KCNH2: variants seen among roughly 807,000 people sequenced by gnomAD.
KCNH2 encodes potassium voltage-gated channel subfamily H member 2.
A neutral mutation model predicts 95.9 loss-of-function variants in KCNH2; 35 were observed. The observed-to-expected ratio is 0.37, with a 90% CI of 0.28 to 0.48. The LOEUF is 0.48. Ranked by LOEUF, KCNH2 falls within the 20% of genes least tolerant of loss-of-function variation. The probability of loss-of-function intolerance (pLI) is 0.99; values close to 1 mark genes in which losing one functional copy is unlikely to be tolerated. For synonymous variants in KCNH2, 786 were observed against 754.7 expected (o/e 1.04, Z -0.68); for missense variants, 1,274 against 1,702.9 (o/e 0.75, Z 4.43).
intron 9 of KCNH2, 23 bp downstream of exon 9, chr7:150,950,145 A>AGGGGGGGGGG: frequency 3.7e-5 from 53 of 1,424,530 alleles, no homozygotes; most frequent in Middle Eastern, 1.8e-4. Flanking sequence ...TTTCCAGTCC[A>AGGGGGGGGGG]GTGCCCGCCC....
intron 2 of KCNH2, among the ~76,000 whole-genome samples, chr7:150,973,611 G>A (rs1801894734): frequency 6.6e-6 from 1 of 152,220 alleles, no homozygotes; most frequent in Non-Finnish European, 1.5e-5. Flanking sequence ...CCCCTCTAGT[G>A]CCGTCCAGTG....
chr7:150,957,376 A>T lies in KCNH2; in HGVS notation c.1043T>A (p.Phe348Tyr), dbSNP rs794728363. The T allele has an allele frequency of 6.2e-7, 1 of 1,613,996 alleles. No individual in the cohort carries two copies. The highest frequency in any genetic ancestry group is 8.5e-7 in the Non-Finnish European group (1 of 1,179,932). Reference protein sequence around the residue: ...LNFVDLKGDPFLASPTSDREI... With the variant: ...LNFVDLKGDPYLASPTSDREI... ...ACGGTCACTGGTGGGCGAAGCCAAG[A>T]AGGGGTCGCCCTTGAGGTCCACAAA... Residue 348 changes from phenylalanine (F) to tyrosine (Y), a missense_variant, in exon 5 of 15, where the codon TTC becomes TAC. This residue lies in a region of KCNH2 where 392 missense variants were observed against 429.9 expected (regional missense o/e 0.91). Transcript: ENST00000262186.
At chr7:150,951,190 G>T in intron 7 of KCNH2, 70 bp from the exon 8 acceptor site, 1 of 1,345,322 alleles carries the variant, frequency 7.4e-7, no homozygotes, top group South Asian at 1.3e-5. Flanking sequence ...ACCCTGCTCA[G>T]GCCCCGCACC....
Position 150,962,661 on chromosome 7 carries a change from T to A in KCNH2, c.308-2925A>T, listed in dbSNP as rs1801599779. Among the ~76,000 whole-genome samples, 1 of 90,968 alleles carries A rather than the reference T, an allele frequency of 1.1e-5. No individual in the cohort carries two copies. Among genetic ancestry groups the A allele is most frequent in the Non-Finnish European group, 2.6e-5 (1 of 37,854 alleles). The allele number at this position is 90,968 out of a possible 152,430, so 59.7% of individuals were successfully genotyped here. Reference sequence around the variant, plus strand: ...AGAGAGAGAGAGAGAGAGGAGTGACTGCTGGCCCTCTTCCTTTGTCGAGAT... The same window carrying A: ...AGAGAGAGAGAGAGAGAGGAGTGACAGCTGGCCCTCTTCCTTTGTCGAGAT... On this transcript the variant is annotated intron_variant, in intron 2 of 14. Transcript: ENST00000262186. The surrounding 1 kb of genome is among the most constrained non-coding windows in gnomAD (Gnocchi z 5.7).
At position 150,958,515 on chromosome 7, in the gene KCNH2, A is replaced by G; in HGVS notation, c.473-13T>C. The G allele has an allele frequency of 6.8e-7, 1 of 1,474,254 alleles. No individual in the cohort carries two copies. The highest frequency in any genetic ancestry group is 1.3e-5 in the South Asian group (1 of 77,506). The allele number at this position is 1,474,254 out of a possible 1,614,324, so 91.3% of individuals were successfully genotyped here. On this transcript the variant is annotated splice_polypyrimidine_tract_variant and intron_variant, in intron 3 of 14. Transcript: ENST00000262186. ...GTCTTGGCGCGGCCTGCGGGAGAGG[A>G]GAGGCACGTGGTCGTGGGGATCGCG...
At chr7:150,976,700 T>G (rs1801987045) in intron 1 of KCNH2, among the ~76,000 whole-genome samples, 1 of 151,690 alleles carries the variant, frequency 6.6e-6, no homozygotes, top group Admixed American at 6.6e-5. Flanking sequence ...CACATGGCAG[T>G]CAGTGGCAAA....
At chr7:150,964,089 A>G (rs1047219912) in intron 2 of KCNH2, among the ~76,000 whole-genome samples, 2 of 152,234 alleles carry the variant, frequency 1.3e-5, no homozygotes, top group African/African-American at 2.4e-5. Context: ...GCCAGGCCCC[A>G]GGCAGGAGCC....
In KCNH2 at chr7:150,947,032, C is replaced by G; in HGVS notation, c.3175G>C (p.Asp1059His). 1 of 1,605,116 alleles carries G rather than the reference C, an allele frequency of 6.2e-7. No homozygotes were observed. ...LNRLETRLSA[D>H]MATVLQLLQR... ...AGCAGCTGCAGGACAGTGGCCATGTCTGCACTCAGCCGGGTCTCCAGCCTG... is the reference window on the plus strand; with the variant it reads ...AGCAGCTGCAGGACAGTGGCCATGTGTGCACTCAGCCGGGTCTCCAGCCTG... Residue 1059 changes from aspartate (D) to histidine (H), a missense_variant, in exon 14 of 15, where the codon GAC (aspartate) becomes CAC (histidine). Asp to His is a moderately conservative substitution (Grantham distance 81). Coordinates refer to ENST00000262186, the MANE Select transcript of KCNH2 (RefSeq NM_000238.4).
chr7:150,970,984 G>C (rs1801826366), intron 2 of KCNH2, among the ~76,000 whole-genome samples: 1 of 152,206 alleles, frequency 6.6e-6, no homozygotes, highest in African/African-American at 2.4e-5. Context: ...CTCAGACCCA[G>C]GGGGCTGAAA....
intron 1 of KCNH2, 26 bp from the exon 2 acceptor site, chr7:150,974,967 C>A (rs1482452698): frequency 1.9e-6 from 3 of 1,554,480 alleles, no homozygotes; most frequent in African/African-American, 1.4e-5. Context: ...GGAGAGTGCG[C>A]GTGAGCGGGG....
intron 2 of KCNH2, among the ~76,000 whole-genome samples, chr7:150,968,826 GC>G (rs1801767561): frequency 6.6e-6 from 1 of 152,160 alleles, no homozygotes; most frequent in Non-Finnish European, 1.5e-5. Context: ...GGGTGCTGAG[GC>G]CCCGGATCAG....
intron 5 of KCNH2, 103 bp downstream of exon 5, chr7:150,957,188 T>C (rs1801401609): frequency 2.0e-6 from 2 of 975,906 alleles, no homozygotes; most frequent in South Asian, 1.4e-5. Flanking sequence ...CAAGAGGCCC[T>C]CACTGGCTAG....
At chr7:150,975,142 G>T (rs1305657580) in intron 1 of KCNH2, among the ~76,000 whole-genome samples, 1 of 151,872 alleles carries the variant, frequency 6.6e-6, no homozygotes, top group Non-Finnish European at 1.5e-5. Context: ...GGGCCGCGCG[G>T]CGCGCCCCCT....
chr7:150,962,860 C>CTAGGCAG lies in KCNH2; in HGVS notation c.308-3125_308-3124insCTGCCTA, dbSNP rs1801604417. Among the ~76,000 whole-genome samples the CTAGGCAG allele has an allele frequency of 6.6e-6, 1 of 152,150 alleles. No individual in the cohort carries two copies. The highest frequency in any genetic ancestry group is 2.4e-5 in the African/African-American group (1 of 41,440). ...AGATAGGCCTGGGCTCTCAGAGGCACTGCCTGCAACCACCCTGCCGCGTCG... is the reference window on the plus strand; with the variant it reads ...AGATAGGCCTGGGCTCTCAGAGGCACTAGGCAGTGCCTGCAACCACCCTGCCGCGTCG... On this transcript the variant is annotated intron_variant, in intron 2 of 14. Coordinates refer to ENST00000262186, the MANE Select transcript of KCNH2 (RefSeq NM_000238.4). This position sits in a 1 kb window ranked among gnomAD's most constrained non-coding sequence, Gnocchi z 5.7.
chr7:150,948,280 G>A lies in KCNH2; in HGVS notation c.2692+164C>T, dbSNP rs1196575845. On this transcript the variant is annotated intron_variant, in intron 11 of 14. Transcript: ENST00000262186. ...AGGAGGTGACAGCTGCAGGGGCCCT[G>A]AAAGATGGGCAGCATCTGGACAGCT... Among the ~76,000 whole-genome samples, 3 of 152,342 alleles carry A rather than the reference G, an allele frequency of 2.0e-5. No individual in the cohort carries two copies. In the East Asian group the frequency reaches 5.8e-4, roughly 29 times the overall value.
At chr7:150,960,066 C>T (rs1801512274) in intron 2 of KCNH2, among the ~76,000 whole-genome samples, 1 of 152,094 alleles carries the variant, frequency 6.6e-6, no homozygotes, top group South Asian at 2.1e-4. Flanking sequence ...TCATTTCCTC[C>T]CTATCTCATT....
At position 150,948,459 on chromosome 7, in the gene KCNH2, T is replaced by G. The variant is rs1801005207; in HGVS notation, c.2677A>C (p.Arg893=). The G allele has an allele frequency of 7.4e-7, 1 of 1,349,234 alleles. No individual in the cohort carries two copies. The highest frequency in any genetic ancestry group is 9.9e-7 in the Non-Finnish European group (1 of 1,013,874). 83.6% of individuals were successfully genotyped at this position (1,349,234 alleles called of 1,614,324 possible). A position where few individuals can be genotyped will look rare whatever the true frequency, so the allele number is the denominator to read the frequency against. Residue 893 remains arginine, a synonymous_variant, in exon 11 of 15, where the codon AGG becomes CGG. Coordinates refer to ENST00000262186, the MANE Select transcript of KCNH2 (RefSeq NM_000238.4). ...CCCGCCTCACCCTTGTCCGTGCGCCTGCGGAAGGACAACTTGCGCTTGCGT... is the reference window on the plus strand; with the variant it reads ...CCCGCCTCACCCTTGTCCGTGCGCCGGCGGAAGGACAACTTGCGCTTGCGT... ...RQRKRKLSFR[R]RTDKDTEQPG...
intron 2 of KCNH2, among the ~76,000 whole-genome samples, chr7:150,971,552 G>C (rs923691839): frequency 6.6e-6 from 1 of 152,120 alleles, no homozygotes; most frequent in African/African-American, 2.4e-5. Flanking sequence ...GGTATGAGCA[G>C]CCAGACAGAG....
At chr7:150,949,104 G>T (rs1801037253) in intron 9 of KCNH2, 55 bp from the exon 10 acceptor site, 1 of 1,509,802 alleles carries the variant, frequency 6.6e-7, no homozygotes, top group African/African-American at 1.4e-5. Context: ...CATCCAGGCA[G>T]CAGGCACCTT....
Sources: allele counts gnomAD v4.1 joint callset (sites outside exome capture counted in the v4.1 genomes callset), GRCh38; gene constraint gnomAD v4.1.1; regional missense constraint gnomAD v4.1.1; non-coding constraint Gnocchi (gnomAD v3.1); transcripts MANE v1.5; gene names NCBI Gene and HGNC (gene_info 2026-07-23, HGNC 2026-07-21).